The following GFRA1 variants were observed in gnomAD, a reference collection of about 807,000 sequenced individuals.
GFRA1 encodes GDNF family receptor alpha-1.
In GFRA1, 16 loss-of-function variants were observed where a neutral mutation model predicts 51.6. That is an observed-to-expected ratio of 0.31 (90% confidence interval 0.21 to 0.47). The LOEUF is 0.47. Among genes scored for constraint, GFRA1 ranks in the 20% least tolerant of loss-of-function variants. The probability of loss-of-function intolerance (pLI) is 1.00; values close to 1 mark genes in which losing one functional copy is unlikely to be tolerated. For missense variants in GFRA1, 530 were observed against 594.3 expected (o/e 0.89, Z 1.13); for synonymous variants, 270 against 241.3 (o/e 1.12, Z -1.10).
rs559784193 is a variant in GFRA1 at position 116,269,396 on chromosome 10, T to G, written c.418+107A>C. The G allele has an allele frequency of 4.0e-6, 3 of 753,946 alleles. No homozygotes were observed. The South Asian group carries it at 4.3e-5, about 11-fold the overall frequency. 46.7% of individuals were successfully genotyped at this position (753,946 alleles called of 1,614,324 possible). On this transcript the variant is annotated intron_variant, in intron 4 of 10. Coordinates refer to ENST00000355422, the MANE Select transcript of GFRA1 (RefSeq NM_005264.8). ...CCTATTTCTAATTTCCCAGAAACAC[T>G]GTGCCATTCAACTATCTACTTATAT...
rs911286600 is a variant in GFRA1, at chr10:116,131,905, A to G, written c.434-6348T>C. Among the ~76,000 whole-genome samples, 12 of 43,854 alleles carry G rather than the reference A, an allele frequency of 2.7e-4. 1 individual carries two copies. Among genetic ancestry groups the G allele is most frequent in the Admixed American group, 1.1e-3 (5 of 4,546 alleles). The allele number at this position is 43,854 out of a possible 152,430, so 28.8% of individuals were successfully genotyped here. On this transcript the variant is annotated intron_variant, in intron 5 of 10. Coordinates refer to ENST00000355422, the MANE Select transcript of GFRA1 (RefSeq NM_005264.8). ...CCTATGTAAACATTATCTCAAAAGG[A>G]AAAAAAAAAAAAAAAAAAAGGCCAG...
chr10:116,159,534 G>A lies in GFRA1; in HGVS notation c.434-33977C>T, dbSNP rs747385285. On this transcript the variant is annotated intron_variant, in intron 5 of 10. Coordinates refer to ENST00000355422, the MANE Select transcript of GFRA1 (RefSeq NM_005264.8). ...GATCTGATGCCACACACAGAGCTTG[G>A]TGTCAGGGTGTCCCCACAGCAAGGC... Among the ~76,000 whole-genome samples the A allele has an allele frequency of 6.7e-4, 102 of 152,312 alleles. 1 individual carries two copies. The highest frequency in any genetic ancestry group is 3.4e-3 in the Middle Eastern group (1 of 294).
chr10:116,211,860 A>T (rs1045661832), intron 4 of GFRA1, among the ~76,000 whole-genome samples: 16 of 152,126 alleles, frequency 1.1e-4, no homozygotes, highest in African/African-American at 3.9e-4. Flanking sequence ...ACACTTACTA[A>T]CTCTGTGACT....
intron 5 of GFRA1, among the ~76,000 whole-genome samples, chr10:116,132,094 G>A (rs978039728): frequency 2.6e-5 from 4 of 152,028 alleles, no homozygotes; most frequent in Admixed American, 2.6e-4. Context: ...TGTAGTCCTA[G>A]CTACTCGGGA....
intron 6 of GFRA1, among the ~76,000 whole-genome samples, chr10:116,112,109 T>C (rs1301465621): frequency 3.3e-5 from 5 of 152,370 alleles, no homozygotes; most frequent in African/African-American, 1.2e-4. Context: ...TAGCTAAACA[T>C]GTTTGAGCTT....
chr10:116,065,564 C>T lies in GFRA1; in HGVS notation c.1251+9G>A. ...AAATGCACGAAGCCTCCAAAAGAAA[C>T]ATACTTACATTGGAAATACAGAGGT... is the stretch of plus-strand genomic sequence containing the variant. On this transcript the variant is annotated intron_variant, in intron 10 of 10. Coordinates refer to ENST00000355422, the MANE Select transcript of GFRA1 (RefSeq NM_005264.8). 6.2e-7 allele frequency: 1 copy of T among 1,609,518 alleles called. No individual in the cohort carries two copies.
At chr10:116,076,438 A>G (rs1955621817) in intron 9 of GFRA1, among the ~76,000 whole-genome samples, 1 of 152,158 alleles carries the variant, frequency 6.6e-6, no homozygotes. Context: ...TGAGAAACAA[A>G]AAAAAAGGAA....
At chr10:116,212,467 C>A (rs1390128688) in intron 4 of GFRA1, among the ~76,000 whole-genome samples, 1 of 150,974 alleles carries the variant, frequency 6.6e-6, no homozygotes, top group Non-Finnish European at 1.5e-5. Context: ...TTGCAGTAAG[C>A]CGAGATCGCT....
intron 5 of GFRA1, among the ~76,000 whole-genome samples, chr10:116,144,395 A>G (rs1300917683): frequency 2.0e-5 from 3 of 152,162 alleles, no homozygotes; most frequent in Non-Finnish European, 4.4e-5. Flanking sequence ...AATTCAAGCT[A>G]GTGAATATTA....
intron 5 of GFRA1, among the ~76,000 whole-genome samples, chr10:116,196,018 C>T (rs986698874): frequency 6.6e-6 from 1 of 152,078 alleles, no homozygotes; most frequent in African/African-American, 2.4e-5. Flanking sequence ...TAACACCTGG[C>T]CCTGTTCTAG....
chr10:116,076,936 A>G (rs1434392194), intron 9 of GFRA1, among the ~76,000 whole-genome samples: 1 of 152,236 alleles, frequency 6.6e-6, no homozygotes, highest in Admixed American at 6.5e-5. Context: ...ATGCTATAAT[A>G]TATGATAACA....
intron 4 of GFRA1, among the ~76,000 whole-genome samples, chr10:116,241,740 G>A (rs1382713820): frequency 1.3e-5 from 2 of 152,142 alleles, no homozygotes; most frequent in Non-Finnish European, 2.9e-5. Flanking sequence ...TACAGGATTG[G>A]GCTGCAATGG....
At chr10:116,094,380 G>C (rs1371321224) in intron 7 of GFRA1, among the ~76,000 whole-genome samples, 1 of 152,154 alleles carries the variant, frequency 6.6e-6, no homozygotes, top group African/African-American at 2.4e-5. Flanking sequence ...CTTCCACGTA[G>C]TGAAAGAACT....
At chr10:116,197,183 G>A (rs1454516414) in intron 5 of GFRA1, among the ~76,000 whole-genome samples, 1 of 152,072 alleles carries the variant, frequency 6.6e-6, no homozygotes, top group Non-Finnish European at 1.5e-5. Flanking sequence ...GTATTAGGAG[G>A]TGGGGGCTTT....
At chr10:116,101,579 C>T (rs758021263) in intron 6 of GFRA1, among the ~76,000 whole-genome samples, 5 of 152,120 alleles carry the variant, frequency 3.3e-5, no homozygotes, top group Non-Finnish European at 7.4e-5. Flanking sequence ...AGAATTGTCT[C>T]AAACAGCAGA....
intron 6 of GFRA1, 54 bp downstream of exon 6, chr10:116,125,167 C>T (rs1482483072): frequency 9.5e-6 from 14 of 1,467,452 alleles, no homozygotes; most frequent in South Asian, 2.3e-5. Context: ...CCGAAGCAGC[C>T]GCCAAGACTT....
At chr10:116,225,251 T>A (rs958463087) in intron 4 of GFRA1, among the ~76,000 whole-genome samples, 9 of 152,046 alleles carry the variant, frequency 5.9e-5, no homozygotes, top group East Asian at 1.9e-4. Flanking sequence ...AAATGATATT[T>A]TGGGGCCAGG....
intron 6 of GFRA1, among the ~76,000 whole-genome samples, chr10:116,113,756 G>A (rs1332786508): frequency 3.3e-5 from 5 of 152,236 alleles, no homozygotes; most frequent in Middle Eastern, 3.4e-3. Context: ...TGGTTCCAGC[G>A]GCACCACTTG....
intron 9 of GFRA1, among the ~76,000 whole-genome samples, chr10:116,076,549 C>G (rs1386800245): frequency 6.6e-6 from 1 of 152,116 alleles, no homozygotes; most frequent in Admixed American, 6.5e-5. Context: ...ATCAGCCTGC[C>G]CTTTGTTCAC....
Sources: allele counts gnomAD v4.1 joint callset (sites outside exome capture counted in the v4.1 genomes callset), GRCh38; gene constraint gnomAD v4.1.1; transcripts MANE v1.5; gene names NCBI Gene and HGNC (gene_info 2026-07-23, HGNC 2026-07-21).